The following CDK19 variants were observed in gnomAD, a reference collection of about 807,000 sequenced individuals.
The protein encoded by CDK19 is cyclin dependent kinase 19, also known as cyclin-dependent kinase 19.
A neutral mutation model predicts 68.3 loss-of-function variants in CDK19; 20 were observed. The ratio of observed to expected loss-of-function variants is 0.29; its 90% confidence interval spans 0.21 to 0.43. The LOEUF is 0.43. Among genes scored for constraint, CDK19 ranks in the 20% least tolerant of loss-of-function variants. The probability of loss-of-function intolerance (pLI) is 1.00; values close to 1 mark genes in which losing one functional copy is unlikely to be tolerated. For synonymous variants in CDK19, 221 were observed against 222.8 expected (o/e 0.99, Z 0.07); for missense variants, 339 against 623.5 (o/e 0.54, Z 4.86).
intron 4 of CDK19, among the ~76,000 whole-genome samples, chr6:110,648,922 T>C (rs546185647): frequency 2.0e-5 from 3 of 152,232 alleles, no homozygotes; most frequent in African/African-American, 7.2e-5. Flanking sequence ...TTTCACCATG[T>C]TGGTCAGGCT....
intron 1 of CDK19, among the ~76,000 whole-genome samples, chr6:110,754,705 C>T (rs527416407): frequency 2.6e-5 from 4 of 152,110 alleles, no homozygotes; most frequent in Non-Finnish European, 5.9e-5. Flanking sequence ...TGCTCTCGAT[C>T]TCCTGACCTC....
intron 1 of CDK19, among the ~76,000 whole-genome samples, chr6:110,790,459 T>C (rs950616976): frequency 6.6e-6 from 1 of 152,052 alleles, no homozygotes; most frequent in East Asian, 1.9e-4. Context: ...CACTTGAAAC[T>C]GGGAGGCAGA....
chr6:110,623,254 G>C (rs1325034192), intron 9 of CDK19, 36 bp downstream of exon 9: 2 of 1,558,816 alleles, frequency 1.3e-6, no homozygotes, highest in East Asian at 2.2e-5. Context: ...GATTTGTGCT[G>C]AGAATCAGAT....
intron 1 of CDK19, among the ~76,000 whole-genome samples, chr6:110,797,326 G>A (rs983370456): frequency 2.0e-5 from 3 of 151,596 alleles, no homozygotes; most frequent in Non-Finnish European, 2.9e-5. Flanking sequence ...GGCGACAGAG[G>A]GAGACTTCGT....
intron 1 of CDK19, among the ~76,000 whole-genome samples, chr6:110,779,224 C>T (rs1780625300): frequency 6.6e-6 from 1 of 152,130 alleles, no homozygotes; most frequent in South Asian, 2.1e-4. Flanking sequence ...CAATTATAGA[C>T]TTCTAATACC....
chr6:110,771,040 C>T (rs771423343), intron 1 of CDK19, among the ~76,000 whole-genome samples: 1 of 152,176 alleles, frequency 6.6e-6, no homozygotes, highest in Non-Finnish European at 1.5e-5. Flanking sequence ...GCTACTTTCA[C>T]GGGCTGGTGT....
intron 2 of CDK19, among the ~76,000 whole-genome samples, chr6:110,709,506 TA>T (rs35088713): frequency 0.67 from 95,215 of 141,952 alleles, 32,292 homozygotes; most frequent in Admixed American, 0.8. Context: ...AAAGTATAAT[TA>T]AAAAAAAAAA....
chr6:110,656,210 G>T (rs1161167275), intron 4 of CDK19, among the ~76,000 whole-genome samples: 2 of 152,074 alleles, frequency 1.3e-5, no homozygotes, highest in Non-Finnish European at 2.9e-5. Flanking sequence ...GTACTCGTTG[G>T]GGGAAGGGAT....
At chr6:110,656,520 C>T (rs939800893) in intron 4 of CDK19, among the ~76,000 whole-genome samples, 2 of 152,188 alleles carry the variant, frequency 1.3e-5, no homozygotes, top group African/African-American at 2.4e-5. Context: ...GTATTTACAA[C>T]TATATGTAGG....
intron 2 of CDK19, among the ~76,000 whole-genome samples, chr6:110,704,939 G>A (rs552716358): frequency 9.9e-5 from 15 of 152,218 alleles, no homozygotes; most frequent in Admixed American, 7.9e-4. Context: ...GTAATTGATA[G>A]GCTGAGGGAA....
chr6:110,613,004 AT>A lies in CDK19; in HGVS notation c.*1530del, dbSNP rs1778105130. Reference sequence around the variant, plus strand: ...TTTTAAAAATGCATGTAATTTGCATATACAATAATCAGCTATTTCTTCTAGC... The same window carrying A: ...TTTTAAAAATGCATGTAATTTGCATAACAATAATCAGCTATTTCTTCTAGC... On this transcript the variant is annotated 3_prime_UTR_variant, in exon 13 of 13. Transcript: ENST00000368911. 6.5e-6 allele frequency: 1 copy of A among 152,704 alleles called. No individual in the cohort carries two copies. Among genetic ancestry groups the A allele is most frequent in the Admixed American group, 6.5e-5 (1 of 15,288 alleles). 9.5% of individuals were successfully genotyped at this position (152,704 alleles called of 1,614,324 possible).
chr6:110,636,730 AG>A (rs1186923792), intron 5 of CDK19, among the ~76,000 whole-genome samples: 1 of 152,264 alleles, frequency 6.6e-6, no homozygotes, highest in Non-Finnish European at 1.5e-5. Context: ...AGGAACAAAA[AG>A]GGAAATGAAT....
intron 6 of CDK19, among the ~76,000 whole-genome samples, chr6:110,630,103 G>A (rs1018722296): frequency 6.6e-6 from 1 of 152,156 alleles, no homozygotes; most frequent in Non-Finnish European, 1.5e-5. Flanking sequence ...TATGGGTCCC[G>A]CACAACAGAA....
At chr6:110,726,145 G>A (rs1025725922) in intron 2 of CDK19, among the ~76,000 whole-genome samples, 8 of 152,096 alleles carry the variant, frequency 5.3e-5, no homozygotes, top group African/African-American at 1.9e-4. Flanking sequence ...GGGAAAAAAA[G>A]ATAATCCTAG....
At chr6:110,812,941 A>C (rs576915126) in intron 1 of CDK19, among the ~76,000 whole-genome samples, 78 of 152,228 alleles carry the variant, frequency 5.1e-4, no homozygotes, top group African/African-American at 1.8e-3. Flanking sequence ...TTTACTGTAA[A>C]GTTGCAAATC....
chr6:110,772,618 C>T (rs950980868), intron 1 of CDK19, among the ~76,000 whole-genome samples: 1 of 152,186 alleles, frequency 6.6e-6, no homozygotes, highest in African/African-American at 2.4e-5. Flanking sequence ...ACATTGTTAG[C>T]TGCTATAGAT....
At position 110,619,500 on chromosome 6, in the gene CDK19, C is replaced by T. The variant is rs1055340763; in HGVS notation, c.1377+1604G>A. On this transcript the variant is annotated intron_variant, in intron 12 of 12. Transcript: ENST00000368911. Reference sequence around the variant, plus strand: ...AGGCTGGAGGGAAGTTTTACAGGGTCGTGTTGGAGGGAGCTCTGTGAGTCT... The same window carrying T: ...AGGCTGGAGGGAAGTTTTACAGGGTTGTGTTGGAGGGAGCTCTGTGAGTCT... 5.3e-5 allele frequency among the ~76,000 whole-genome samples: 8 copies of T among 151,452 alleles called. No homozygotes were observed. The East Asian group carries it at 5.9e-4, about 11-fold the overall frequency.
intron 1 of CDK19, among the ~76,000 whole-genome samples, chr6:110,782,184 GAAC>G (rs1780870723): frequency 6.6e-6 from 1 of 152,116 alleles, no homozygotes; most frequent in Non-Finnish European, 1.5e-5. Context: ...AGGAAAATAA[GAAC>G]AAAAGGACAG....
At chr6:110,637,236 C>T (rs545382298) in intron 5 of CDK19, among the ~76,000 whole-genome samples, 16 of 152,264 alleles carry the variant, frequency 1.1e-4, no homozygotes, top group African/African-American at 3.6e-4. Flanking sequence ...ATCTCCCTTT[C>T]GCCTGTATCT....
Sources: gnomAD v4.1 joint callset for allele counts (sites outside exome capture counted in the v4.1 genomes callset) on GRCh38, gnomAD v4.1.1 for gene constraint, MANE v1.5 for transcripts, NCBI Gene and HGNC (gene_info 2026-07-23, HGNC 2026-07-21) for gene names.